The following KCNQ4 variants were observed in gnomAD, a reference collection of about 807,000 sequenced individuals.
KCNQ4 encodes potassium voltage-gated channel subfamily KQT member 4.
A neutral mutation model predicts 72.6 loss-of-function variants in KCNQ4; 31 were observed. That is an observed-to-expected ratio of 0.43 (90% CI 0.32 to 0.58). The LOEUF (loss-of-function observed/expected upper bound fraction) is 0.58, where lower values mean the gene tolerates loss of function less well. Ranked by LOEUF, KCNQ4 falls within the 20% of genes least tolerant of loss-of-function variation. The probability of loss-of-function intolerance (pLI) is 0.08; values close to 1 mark genes in which losing one functional copy is unlikely to be tolerated. For synonymous variants in KCNQ4, 405 were observed against 403.7 expected (o/e 1.00, Z -0.04); for missense variants, 869 against 962.6 (o/e 0.90, Z 1.29).
chr1:40,793,856 A>G (rs1296075627), intron 1 of KCNQ4, among the ~76,000 whole-genome samples: 2 of 151,884 alleles, frequency 1.3e-5, no homozygotes, highest in African/African-American at 4.8e-5. Flanking sequence ...CCCTATCCCC[A>G]TTACCCCCAG....
At chr1:40,811,759 G>C (rs139546895) in intron 1 of KCNQ4, among the ~76,000 whole-genome samples, 1,605 of 152,326 alleles carry the variant, frequency 0.011, 30 homozygotes, top group African/African-American at 0.037. Context: ...GGGCTGGGCA[G>C]GGAGAAAGAA....
At chr1:40,805,959 A>T (rs1018334763) in intron 1 of KCNQ4, among the ~76,000 whole-genome samples, 2 of 151,898 alleles carry the variant, frequency 1.3e-5, no homozygotes, top group Non-Finnish European at 2.9e-5. Context: ...CTTCTGCCTC[A>T]GCCTCTGGAG....
chr1:40,823,318 C>CA (rs1280129405), intron 8 of KCNQ4, among the ~76,000 whole-genome samples: 1 of 152,112 alleles, frequency 6.6e-6, no homozygotes, highest in East Asian at 1.9e-4. Flanking sequence ...GCTCCTACCT[C>CA]AGAGTGGGAA....
intron 12 of KCNQ4, among the ~76,000 whole-genome samples, chr1:40,835,431 G>A (rs1359716458): frequency 1.3e-5 from 2 of 152,196 alleles, no homozygotes; most frequent in Non-Finnish European, 2.9e-5. Context: ...CATCTCCCAA[G>A]AGAATAGGCA....
chr1:40,789,630 GCCCACCCCA>G (rs1354194912), intron 1 of KCNQ4, among the ~76,000 whole-genome samples: 3 of 151,962 alleles, frequency 2.0e-5, no homozygotes, highest in African/African-American at 7.3e-5. Context: ...CTCACTGACG[GCCCACCCCA>G]CCCCAACTCC....
At position 40,817,429 on chromosome 1, in the gene KCNQ4, G is replaced by C; in HGVS notation, c.405+74G>C. The C allele has an allele frequency of 1.7e-6, 2 of 1,155,394 alleles. No homozygotes were observed. Among genetic ancestry groups the C allele is most frequent in the South Asian group, 1.4e-5 (1 of 71,814 alleles). 71.6% of individuals were successfully genotyped at this position (1,155,394 alleles called of 1,614,324 possible). ...TCTGGGCTGGGAGTCCGGGACTGAGGGGGGCTGTGTGAGGTAGCACCTCTG... is the reference window on the plus strand; with the variant it reads ...TCTGGGCTGGGAGTCCGGGACTGAGCGGGGCTGTGTGAGGTAGCACCTCTG... On this transcript the variant is annotated intron_variant, in intron 2 of 13. Transcript: ENST00000347132. The surrounding 1 kb of genome is among the most constrained non-coding windows in gnomAD (Gnocchi z 5.5).
Position 40,784,547 on chromosome 1 carries a change from C to A in KCNQ4, c.314+140C>A. 1 of 819,182 alleles carries A rather than the reference C, an allele frequency of 1.2e-6. No homozygotes were observed. The highest frequency in any genetic ancestry group is 1.4e-5 in the South Asian group (1 of 70,002). The allele number at this position is 819,182 out of a possible 1,614,324, so 50.7% of individuals were successfully genotyped here. A position where few individuals can be genotyped will look rare whatever the true frequency, so the allele number is the denominator to read the frequency against. The stretch of plus-strand genomic sequence containing the variant: ...ATCTCTCTCCCCCCAGGCCTAAGCC[C>A]GGTTTCTGATCCCCTCGCTGAGCCC... On this transcript the variant is annotated intron_variant, in intron 1 of 13. Transcript: ENST00000347132. The surrounding 1 kb of genome is among the most constrained non-coding windows in gnomAD (Gnocchi z 4.1).
At chr1:40,815,447 A>T (rs1648057804) in intron 1 of KCNQ4, among the ~76,000 whole-genome samples, 1 of 151,954 alleles carries the variant, frequency 6.6e-6, no homozygotes, top group African/African-American at 2.4e-5. Context: ...CTCATGAAGG[A>T]CCCTTCTGGT....
intron 1 of KCNQ4, chr1:40,804,957 A>G (rs545001731): frequency 3.9e-5 from 6 of 152,260 alleles, no homozygotes; most frequent in South Asian, 2.1e-4. Context: ...AGGTGTCCAC[A>G]CTAAGTTTGG....
chr1:40,805,066 GT>G (rs1647716180), intron 1 of KCNQ4: 2 of 152,176 alleles, frequency 1.3e-5, no homozygotes, highest in Admixed American at 1.3e-4. Context: ...AAACTCCCGT[GT>G]TGACCAGTAG....
chr1:40,835,985 G>T (rs1648796446), intron 12 of KCNQ4, among the ~76,000 whole-genome samples: 2 of 151,998 alleles, frequency 1.3e-5, no homozygotes, highest in South Asian at 4.1e-4. Context: ...CCCCTGCAAA[G>T]ACGTTGGTGT....
chr1:40,824,539 C>T (rs1030610815), intron 9 of KCNQ4, among the ~76,000 whole-genome samples: 2 of 152,178 alleles, frequency 1.3e-5, no homozygotes, highest in Non-Finnish European at 2.9e-5. Flanking sequence ...TGGCATTGTC[C>T]TCTTTCTTTC....
rs529603979 is a variant in KCNQ4, at chr1:40,791,140, T to G, written c.314+6733T>G. The stretch of plus-strand genomic sequence containing the variant: ...GAATCCCAAGGGAGATTTAGAGATC[T>G]CAGTCCCCATGCTTACTGGGAAGGT... On this transcript the variant is annotated intron_variant, in intron 1 of 13. Coordinates refer to ENST00000347132, the MANE Select transcript of KCNQ4 (RefSeq NM_004700.4). 2.0e-5 allele frequency among the ~76,000 whole-genome samples: 3 copies of G among 152,270 alleles called. No individual in the cohort carries two copies. In the East Asian group the frequency reaches 5.8e-4, roughly 29 times the overall value.
Position 40,840,025 on chromosome 1 carries a change from AGGTGAGG to A in KCNQ4, c.*1506_*1512del, listed in dbSNP as rs1021969170. ...TGCAAAGCCAATGCAGGTGGCAGGA[AGGTGAGG>A]GGTAGTGGACCAATGGCAACCCTCT... On this transcript the variant is annotated 3_prime_UTR_variant, in exon 14 of 14. Transcript: ENST00000347132. 1 of 152,318 alleles carries A rather than the reference AGGTGAGG, an allele frequency of 6.6e-6. No individual in the cohort carries two copies. Among genetic ancestry groups the A allele is most frequent in the African/African-American group, 2.4e-5 (1 of 41,466 alleles). The allele number at this position is 152,318 out of a possible 1,614,324, so 9.4% of individuals were successfully genotyped here.
intron 1 of KCNQ4, among the ~76,000 whole-genome samples, chr1:40,789,062 G>A (rs1183431780): frequency 6.6e-6 from 1 of 152,200 alleles, no homozygotes. Flanking sequence ...TGAGTTTTTG[G>A]CCTTCACCTA....
Position 40,795,862 on chromosome 1 carries a change from A to G in KCNQ4, c.314+11455A>G, listed in dbSNP as rs1340779442. On this transcript the variant is annotated intron_variant, in intron 1 of 13. Transcript: ENST00000347132. The stretch of plus-strand genomic sequence containing the variant: ...TAGAGTTCTAAGCACAGACTTTGTC[A>G]CTGAGTAATAAGATTCATAGTCTAA... Among the ~76,000 whole-genome samples the G allele has an allele frequency of 2.6e-5, 4 of 152,226 alleles. No individual in the cohort carries two copies. In the East Asian group the frequency reaches 7.7e-4, roughly 29 times the overall value.
chr1:40,793,079 T>C (rs1647319632), intron 1 of KCNQ4, among the ~76,000 whole-genome samples: 1 of 141,656 alleles, frequency 7.1e-6, no homozygotes, highest in Admixed American at 7.4e-5. Context: ...CTATGATCAC[T>C]GCAGACTCAA....
chr1:40,803,638 A>G (rs1292157968), intron 1 of KCNQ4, among the ~76,000 whole-genome samples: 2 of 152,160 alleles, frequency 1.3e-5, no homozygotes, highest in Non-Finnish European at 2.9e-5. Context: ...AGGCCCAGAG[A>G]AGCTGCGCTC....
chr1:40,815,165 G>C (rs376708681), intron 1 of KCNQ4, among the ~76,000 whole-genome samples: 1 of 149,974 alleles, frequency 6.7e-6, no homozygotes, highest in South Asian at 2.1e-4. Flanking sequence ...GCTTGAACCC[G>C]GGAGGCGGAG....
Sources: gnomAD v4.1 joint callset for allele counts (sites outside exome capture counted in the v4.1 genomes callset) on GRCh38, gnomAD v4.1.1 for gene constraint, Gnocchi (gnomAD v3.1) non-coding constraint, MANE v1.5 for transcripts, NCBI Gene and HGNC (gene_info 2026-07-23, HGNC 2026-07-21) for gene names.